Variants in XPO6 observed in about 807,000 individuals in gnomAD.
XPO6 encodes exportin 6.
XPO6 carries 3 observed loss-of-function variants against 130.0 expected under a neutral mutation model. That is an observed-to-expected ratio of 0.02 (90% confidence interval 0.01 to 0.06). The LOEUF (loss-of-function observed/expected upper bound fraction) is 0.06, where lower values mean the gene tolerates loss of function less well. Ranked by LOEUF, XPO6 falls within the 10% of genes least tolerant of loss-of-function variation. XPO6 has a pLI of 1.00. For synonymous variants in XPO6, 524 were observed against 548.9 expected (o/e 0.95, Z 0.63); for missense variants, 970 against 1,393.0 (o/e 0.70, Z 4.83).
rs554854505 is a variant in XPO6, at chr16:28,143,919, G to A, written c.1334+2175C>T. ...TAAAGCGCTGGGATTACAGGCAGGAGCCACCGCACTCGGCCTTGTACTGTT... is the reference window on the plus strand; with the variant it reads ...TAAAGCGCTGGGATTACAGGCAGGAACCACCGCACTCGGCCTTGTACTGTT... On this transcript the variant is annotated intron_variant, in intron 9 of 23. Transcript: ENST00000304658. 3.9e-5 allele frequency among the ~76,000 whole-genome samples: 6 copies of A among 152,322 alleles called. 1 individual carries two copies. Among genetic ancestry groups the A allele is most frequent in the Admixed American group, 3.9e-4 (6 of 15,308 alleles).
At chr16:28,125,985 G>C (rs1364897844) in intron 12 of XPO6, 137 bp from the exon 13 acceptor site, 1 of 1,080,710 alleles carries the variant, frequency 9.3e-7, no homozygotes, top group Non-Finnish European at 1.3e-6. Context: ...CCCACGGGCT[G>C]CTTCCCAGTA....
chr16:28,194,484 A>T (rs550093542), intron 1 of XPO6, among the ~76,000 whole-genome samples: 1 of 152,280 alleles, frequency 6.6e-6, no homozygotes, highest in Admixed American at 6.5e-5. Context: ...AATATTGCAT[A>T]GAACCCCACC....
At chr16:28,127,156 T>C (rs564767940) in intron 12 of XPO6, among the ~76,000 whole-genome samples, 10 of 152,272 alleles carry the variant, frequency 6.6e-5, no homozygotes, top group Admixed American at 1.3e-4. Context: ...CTCGCCACCT[T>C]CTACTATGCC....
At chr16:28,135,387 C>T (rs2042755910) in intron 9 of XPO6, 63 bp from the exon 10 acceptor site, 1 of 1,300,498 alleles carries the variant, frequency 7.7e-7, no homozygotes, top group Non-Finnish European at 1.1e-6. Context: ...TGGAAAATGC[C>T]TCCTGCACTA....
At chr16:28,200,824 A>G (rs1286564595) in intron 1 of XPO6, among the ~76,000 whole-genome samples, 1 of 152,170 alleles carries the variant, frequency 6.6e-6, no homozygotes, top group Non-Finnish European at 1.5e-5. Flanking sequence ...AAATGGGAAC[A>G]TAATACCTAC....
chr16:28,155,365 G>T (rs1596894194), intron 7 of XPO6, among the ~76,000 whole-genome samples: 1 of 151,848 alleles, frequency 6.6e-6, no homozygotes, highest in Non-Finnish European at 1.5e-5. Flanking sequence ...AGCAGCAGTT[G>T]TAAGATACAT....
At chr16:28,170,332 CAAA>C (rs10638478) in intron 4 of XPO6, among the ~76,000 whole-genome samples, 12 of 81,312 alleles carry the variant, frequency 1.5e-4, no homozygotes, top group Non-Finnish European at 1.4e-4. Context: ...AACTCTGTCT[CAAA>C]AAAAAAAAAA....
chr16:28,172,178 G>A (rs2043459709), intron 4 of XPO6, among the ~76,000 whole-genome samples: 1 of 152,168 alleles, frequency 6.6e-6, no homozygotes, highest in African/African-American at 2.4e-5. Flanking sequence ...ACTTGAAAAA[G>A]AGCTTGATAA....
chr16:28,174,433 C>T (rs2043503212), intron 4 of XPO6, among the ~76,000 whole-genome samples: 1 of 152,090 alleles, frequency 6.6e-6, no homozygotes, highest in Non-Finnish European at 1.5e-5. Context: ...GTTTATTGTT[C>T]GTTGATGCCC....
At chr16:28,169,330 G>A (rs2043413091) in intron 5 of XPO6, among the ~76,000 whole-genome samples, 1 of 152,176 alleles carries the variant, frequency 6.6e-6, no homozygotes, top group African/African-American at 2.4e-5. Context: ...TGCACAAGGG[G>A]CTGGCTCCAC....
chr16:28,163,424 G>C (rs2043308331), intron 6 of XPO6, among the ~76,000 whole-genome samples: 1 of 152,152 alleles, frequency 6.6e-6, no homozygotes, highest in African/African-American at 2.4e-5. Context: ...GAAAGATATG[G>C]TCCCTTAATT....
intron 5 of XPO6, 142 bp from the exon 6 acceptor site, chr16:28,166,727 C>T (rs2043362640): frequency 4.1e-6 from 6 of 1,473,080 alleles, no homozygotes; most frequent in Admixed American, 4.5e-5. Context: ...CTCCAGCTAG[C>T]GGCTGTGCCT....
At chr16:28,167,908 T>C (rs2043382447) in intron 5 of XPO6, among the ~76,000 whole-genome samples, 1 of 127,390 alleles carries the variant, frequency 7.8e-6, no homozygotes, top group Non-Finnish European at 1.6e-5. Context: ...GATTAGTGAA[T>C]GCCAGGGATT....
At chr16:28,113,930 T>C (rs1358594641) in intron 15 of XPO6, among the ~76,000 whole-genome samples, 1 of 152,202 alleles carries the variant, frequency 6.6e-6, no homozygotes, top group Non-Finnish European at 1.5e-5. Context: ...CAACACATTG[T>C]TATTAAAACA....
At chr16:28,159,463 G>A (rs998089712) in intron 6 of XPO6, among the ~76,000 whole-genome samples, 3 of 152,158 alleles carry the variant, frequency 2.0e-5, no homozygotes, top group African/African-American at 4.8e-5. Context: ...TTCACAGCAT[G>A]GGGACATTCT....
chr16:28,206,527 A>G (rs1210994361), intron 1 of XPO6, among the ~76,000 whole-genome samples: 4 of 152,250 alleles, frequency 2.6e-5, no homozygotes, highest in Non-Finnish European at 1.5e-5. Flanking sequence ...CAGCCTGGAC[A>G]ACAGAGCAAG....
intron 1 of XPO6, among the ~76,000 whole-genome samples, chr16:28,201,620 G>GC (rs2141908549): frequency 6.6e-6 from 1 of 152,296 alleles, no homozygotes; most frequent in East Asian, 1.9e-4. Context: ...AATTGGGGAG[G>GC]CTGAGGCGGG....
At chr16:28,198,357 T>C (rs2043901525) in intron 1 of XPO6, among the ~76,000 whole-genome samples, 1 of 152,028 alleles carries the variant, frequency 6.6e-6, no homozygotes. Context: ...TCAAATATTC[T>C]AGAGTTCAAA....
At chr16:28,204,377 C>T (rs1427069560) in intron 1 of XPO6, among the ~76,000 whole-genome samples, 3 of 151,766 alleles carry the variant, frequency 2.0e-5, no homozygotes, top group Non-Finnish European at 4.4e-5. Flanking sequence ...AAAAGTGACT[C>T]GAGGCTTAAA....
Sources: allele counts gnomAD v4.1 joint callset (sites outside exome capture counted in the v4.1 genomes callset), GRCh38; gene constraint gnomAD v4.1.1; transcripts MANE v1.5; gene names NCBI Gene and HGNC (gene_info 2026-07-23, HGNC 2026-07-21).